Variants in PXDN observed in about 807,000 individuals in gnomAD.
The protein encoded by PXDN is peroxidasin homolog.
In PXDN, 77 loss-of-function variants were observed where a neutral mutation model predicts 140.3. The observed-to-expected ratio is 0.55, with a 90% CI of 0.46 to 0.66. The LOEUF (loss-of-function observed/expected upper bound fraction) is 0.66. Among genes scored for constraint, PXDN ranks in the 30% least tolerant of loss-of-function variants. The pLI is 0.00. For synonymous variants in PXDN, 911 were observed against 857.4 expected (o/e 1.06, Z -1.09); for missense variants, 1,838 against 2,039.5 (o/e 0.90, Z 1.90).
At chr2:1,713,836 G>C (rs989357149) in intron 1 of PXDN, among the ~76,000 whole-genome samples, 6 of 152,362 alleles carry the variant, frequency 3.9e-5, no homozygotes, top group Admixed American at 3.9e-4. Context: ...AAGTGTCCTG[G>C]GGTGTTCACT....
intron 1 of PXDN, among the ~76,000 whole-genome samples, chr2:1,739,361 C>T (rs1685488373): frequency 6.6e-6 from 1 of 152,150 alleles, no homozygotes; most frequent in African/African-American, 2.4e-5. Flanking sequence ...TAGAATATCA[C>T]AGCATGTCGA....
chr2:1,655,418 C>T (rs1683108967), intron 14 of PXDN, among the ~76,000 whole-genome samples: 1 of 151,544 alleles, frequency 6.6e-6, no homozygotes, highest in East Asian at 1.9e-4. Context: ...ATTATACACA[C>T]ACATCACATT....
chr2:1,666,586 G>A (rs936667048), intron 9 of PXDN, 100 bp from the exon 10 acceptor site: 15 of 1,358,340 alleles, frequency 1.1e-5, no homozygotes, highest in Admixed American at 8.2e-5. Flanking sequence ...ATTTACCACC[G>A]AAATAGGCAA....
At chr2:1,699,749 G>T (rs1684379077) in intron 1 of PXDN, among the ~76,000 whole-genome samples, 1 of 152,086 alleles carries the variant, frequency 6.6e-6, no homozygotes, top group Non-Finnish European at 1.5e-5. Flanking sequence ...ATAAATAAGA[G>T]TTTGCCAATT....
intron 1 of PXDN, among the ~76,000 whole-genome samples, chr2:1,738,165 T>A: frequency 6.6e-6 from 1 of 152,328 alleles, no homozygotes; most frequent in East Asian, 1.9e-4. Flanking sequence ...TCAAAAAAGG[T>A]ACTTTTAAAT....
intron 1 of PXDN, among the ~76,000 whole-genome samples, 151 bp from the exon 2 acceptor site, chr2:1,693,285 G>A (rs972760282): frequency 3.3e-5 from 5 of 152,160 alleles, no homozygotes; most frequent in African/African-American, 1.2e-4. Context: ...TTTTCACTGA[G>A]GCTAGTAAGT....
intron 10 of PXDN, among the ~76,000 whole-genome samples, chr2:1,665,755 T>C (rs1379306504): frequency 1.3e-5 from 2 of 152,230 alleles, no homozygotes; most frequent in Non-Finnish European, 2.9e-5. Context: ...GAATAACTCA[T>C]TTTACAGTCA....
rs1683440654 is a variant in PXDN at position 1,666,340 on chromosome 2, C to T, written c.1165G>A (p.Val389Met). ...AGCCCGCCAGAAGGCGTGATGTTCA[C>T]CCGCGGGTCAACTGGCAAGGGTGTG... Reference protein sequence around the residue: ...DRTPLPVDPRVNITPSGGLYI... With the variant: ...DRTPLPVDPRMNITPSGGLYI... Residue 389 changes from valine to methionine, a missense_variant, in exon 10 of 23, where the codon GTG (valine) becomes ATG (methionine). Physicochemically the swap from Val to Met is conservative, Grantham distance 21 (BLOSUM62 1). Transcript: ENST00000252804. 5 of 1,614,074 alleles carry T rather than the reference C, an allele frequency of 3.1e-6. No homozygotes were observed. Among genetic ancestry groups the T allele is most frequent in the East Asian group, 2.2e-5 (1 of 44,882 alleles).
chr2:1,675,760 A>G (rs988090286), intron 8 of PXDN, among the ~76,000 whole-genome samples: 3 of 148,194 alleles, frequency 2.0e-5, no homozygotes, highest in Non-Finnish European at 3.0e-5. Context: ...TGGAGTCTGG[A>G]ACAATGACTC....
chr2:1,687,621 G>T lies in PXDN; in HGVS notation c.416+11C>A. 1 of 1,483,284 alleles carries T rather than the reference G, an allele frequency of 6.7e-7. No individual in the cohort carries two copies. Among genetic ancestry groups the T allele is most frequent in the Non-Finnish European group, 9.3e-7 (1 of 1,070,984 alleles). The allele number at this position is 1,483,284 out of a possible 1,614,324, so 91.9% of individuals were successfully genotyped here. A position where few individuals can be genotyped will look rare whatever the true frequency, so the allele number is the denominator to read the frequency against. ...TCCAAGAACTAAAGCACGAAGAGAA[G>T]GGGCACTTACAGTTGCTCTAGAGAG... On this transcript the variant is annotated intron_variant, in intron 4 of 22. Transcript: ENST00000252804. This position sits in a 1 kb window ranked among gnomAD's most constrained non-coding sequence, Gnocchi z 4.0.
intron 14 of PXDN, among the ~76,000 whole-genome samples, chr2:1,658,754 A>AC (rs1237028578): frequency 2.4e-4 from 12 of 50,748 alleles, no homozygotes; most frequent in East Asian, 1.4e-3. Flanking sequence ...TGTGCTCCCC[A>AC]CCCCCCGGCA....
intron 1 of PXDN, among the ~76,000 whole-genome samples, chr2:1,727,945 CTCT>C (rs1685227132): frequency 6.6e-6 from 1 of 152,102 alleles, no homozygotes; most frequent in African/African-American, 2.4e-5. Context: ...CTTTTGTTCT[CTCT>C]TCTTTGAGAC....
chr2:1,734,760 G>A (rs1010273980), intron 1 of PXDN, among the ~76,000 whole-genome samples: 5 of 152,120 alleles, frequency 3.3e-5, no homozygotes, highest in South Asian at 2.1e-4. Context: ...TCAGCTACTC[G>A]GGAGGCTGAA....
At chr2:1,695,218 A>G (rs1402405572) in intron 1 of PXDN, among the ~76,000 whole-genome samples, 1 of 152,258 alleles carries the variant, frequency 6.6e-6, no homozygotes, top group African/African-American at 2.4e-5. Flanking sequence ...CACCTTCCTG[A>G]CATGCAGGCC....
At chr2:1,659,352 A>C (rs1358604508) in intron 14 of PXDN, among the ~76,000 whole-genome samples, 1 of 152,242 alleles carries the variant, frequency 6.6e-6, no homozygotes, top group East Asian at 1.9e-4. Context: ...CTCAGAGCCC[A>C]AATTTACTAA....
At chr2:1,666,078 A>G (rs1683427706) in intron 10 of PXDN, 136 bp downstream of exon 10, 1 of 1,235,712 alleles carries the variant, frequency 8.1e-7, no homozygotes, top group Non-Finnish European at 1.1e-6. Flanking sequence ...AGGGGGGTGT[A>G]ATGGATAAAA....
intron 1 of PXDN, among the ~76,000 whole-genome samples, chr2:1,739,744 C>T (rs1685497716): frequency 6.6e-6 from 1 of 152,156 alleles, no homozygotes; most frequent in Non-Finnish European, 1.5e-5. Context: ...GGCCACAGAA[C>T]ACAGAGAGCT....
chr2:1,741,431 G>A (rs12994157), intron 1 of PXDN, among the ~76,000 whole-genome samples: 69,392 of 151,774 alleles, frequency 0.46, 16,520 homozygotes, highest in African/African-American at 0.59. Flanking sequence ...AGCACAGGGC[G>A]CGGGCTCCTG....
At chr2:1,742,142 G>T (rs1685558727) in intron 1 of PXDN, among the ~76,000 whole-genome samples, 1 of 152,204 alleles carries the variant, frequency 6.6e-6, no homozygotes, top group Non-Finnish European at 1.5e-5. Context: ...CCAGCGCTAC[G>T]CTCCTCCTCT....
Sources: allele counts gnomAD v4.1 joint callset (sites outside exome capture counted in the v4.1 genomes callset), GRCh38; gene constraint gnomAD v4.1.1; non-coding constraint Gnocchi (gnomAD v3.1); transcripts MANE v1.5; gene names NCBI Gene and HGNC (gene_info 2026-07-23, HGNC 2026-07-21).